Variants in MPP7 observed in about 807,000 individuals in gnomAD.
The protein encoded by MPP7 is MAGUK p55 scaffold protein 7.
Under a neutral mutation model 76.5 loss-of-function variants are expected in MPP7, and 60 were observed. The observed-to-expected ratio is 0.78, with a 90% CI of 0.64 to 0.97. MPP7 has a LOEUF of 0.97. MPP7 is among the 50% of genes least tolerant of loss of function. The pLI is 0.00. For missense variants in MPP7, 641 were observed against 694.0 expected (o/e 0.92, Z 0.86); for synonymous variants, 237 against 244.5 (o/e 0.97, Z 0.29).
intron 3 of MPP7, among the ~76,000 whole-genome samples, chr10:28,166,400 A>ATTTTTT (rs34887665): frequency 1.1e-5 from 1 of 93,420 alleles, no homozygotes. Context: ...TTACCTTTTA[A>ATTTTTT]TTTTTTTTTT....
chr10:28,273,277 C>A lies in MPP7; in HGVS notation c.-132+29584G>T, dbSNP rs915826521. Among the ~76,000 whole-genome samples the A allele has an allele frequency of 8.7e-4, 132 of 152,322 alleles. 1 individual carries two copies. Among genetic ancestry groups the A allele is most frequent in the East Asian group, 1.9e-4 (1 of 5,186 alleles). On this transcript the variant is annotated intron_variant, in intron 1 of 16. Transcript: ENST00000683449. ...CCAGTATTAACAGTTCAAAAGCAAT[C>A]TGGAATCATCTAAAAGAGACTACAA...
chr10:28,136,765 C>T (rs1170467171), intron 5 of MPP7, among the ~76,000 whole-genome samples: 1 of 152,040 alleles, frequency 6.6e-6, no homozygotes, highest in Non-Finnish European at 1.5e-5. Context: ...AAAAGTAATA[C>T]TGTAGAATAA....
intron 1 of MPP7, among the ~76,000 whole-genome samples, chr10:28,286,303 G>A (rs555156103): frequency 4.9e-4 from 75 of 151,856 alleles, no homozygotes; most frequent in Middle Eastern, 3.4e-3. Flanking sequence ...CCGAGATCAC[G>A]CCACTGTACT....
At chr10:28,073,465 A>C (rs922972144) in intron 12 of MPP7, among the ~76,000 whole-genome samples, 5 of 152,152 alleles carry the variant, frequency 3.3e-5, no homozygotes, top group African/African-American at 1.2e-4. Context: ...GGTCTCCCAA[A>C]AAAGATTAAA....
chr10:28,170,624 T>A (rs1006445469), intron 3 of MPP7, among the ~76,000 whole-genome samples: 1 of 150,522 alleles, frequency 6.6e-6, no homozygotes, highest in Admixed American at 6.6e-5. Context: ...TAATTATACA[T>A]GTATTATTAT....
chr10:28,328,127 C>G (rs1380632636), intron 2 of MPP7, among the ~76,000 whole-genome samples: 2 of 151,846 alleles, frequency 1.3e-5, no homozygotes, highest in East Asian at 3.9e-4. Flanking sequence ...TGGTACTTGG[C>G]TAATAAAAAA....
chr10:28,134,476 T>G (rs1835293193), intron 5 of MPP7, among the ~76,000 whole-genome samples: 1 of 152,232 alleles, frequency 6.6e-6, no homozygotes, highest in Non-Finnish European at 1.5e-5. Context: ...ACTCTCCTTC[T>G]TGGTTATTTT....
chr10:28,304,953 A>C (rs1271088670), upstream of MPP7, among the ~76,000 whole-genome samples: 2 of 119,570 alleles, frequency 1.7e-5, no homozygotes, highest in Non-Finnish European at 3.3e-5. Context: ...TGTTTTTATC[A>C]GAAGATGGAC....
chr10:28,187,718 T>C (rs4408232), intron 3 of MPP7, among the ~76,000 whole-genome samples: 21,493 of 152,208 alleles, frequency 0.14, 1,792 homozygotes, highest in East Asian at 0.37. Flanking sequence ...CACTAATATG[T>C]AAATATCTCC....
intron 11 of MPP7, among the ~76,000 whole-genome samples, chr10:28,098,718 T>C (rs1853680619): frequency 6.6e-6 from 1 of 152,054 alleles, no homozygotes; most frequent in Non-Finnish European, 1.5e-5. Flanking sequence ...TAATCATCTA[T>C]ATTTTTCAGT....
At chr10:28,153,247 C>T (rs1162738252) in intron 3 of MPP7, among the ~76,000 whole-genome samples, 1 of 151,970 alleles carries the variant, frequency 6.6e-6, no homozygotes, top group Non-Finnish European at 1.5e-5. Flanking sequence ...GAGCGAGACT[C>T]CATCTCAAAA....
In MPP7 at chr10:28,082,714, C is replaced by G. The variant is rs551085475; in HGVS notation, c.1123+6957G>C. ...GAACTCCTGGCCTCCAGCACTCTCC[C>G]TGCCTCAGCCTCCCTCAGCGCTGGG... On this transcript the variant is annotated intron_variant, in intron 12 of 16. Coordinates refer to ENST00000683449, the MANE Select transcript of MPP7 (RefSeq NM_001318170.2). Among the ~76,000 whole-genome samples, 21 of 152,294 alleles carry G rather than the reference C, an allele frequency of 1.4e-4. No homozygotes were observed. In the South Asian group the frequency reaches 4.1e-3, roughly 30 times the overall value.
chr10:28,163,624 T>C (rs1009483867), intron 3 of MPP7, among the ~76,000 whole-genome samples: 1 of 152,078 alleles, frequency 6.6e-6, no homozygotes, highest in Non-Finnish European at 1.5e-5. Flanking sequence ...TTTGACTGCC[T>C]GTAGTGGGAG....
At chr10:28,197,835 T>A (rs370980691) in intron 3 of MPP7, among the ~76,000 whole-genome samples, 56 of 152,218 alleles carry the variant, frequency 3.7e-4, no homozygotes, top group African/African-American at 1.2e-3. Flanking sequence ...TTTACCCTGA[T>A]GTGATTATTA....
At chr10:28,280,369 C>T (rs1329201582) in intron 1 of MPP7, among the ~76,000 whole-genome samples, 1 of 152,046 alleles carries the variant, frequency 6.6e-6, no homozygotes, top group East Asian at 1.9e-4. Context: ...AGATTACTTA[C>T]AATACCTAAT....
At chr10:28,152,976 G>A (rs557078424) in intron 3 of MPP7, among the ~76,000 whole-genome samples, 46 of 152,184 alleles carry the variant, frequency 3.0e-4, no homozygotes, top group Non-Finnish European at 4.4e-4. Context: ...ACTTCAGACC[G>A]AGTGTGGTGG....
intron 3 of MPP7, among the ~76,000 whole-genome samples, chr10:28,194,492 G>A (rs945024677): frequency 2.0e-5 from 3 of 152,178 alleles, no homozygotes; most frequent in African/African-American, 7.2e-5. Context: ...AAGGTTAATG[G>A]AGAAACAAAC....
At chr10:28,328,257 G>T (rs1352189401) in intron 2 of MPP7, among the ~76,000 whole-genome samples, 3 of 152,066 alleles carry the variant, frequency 2.0e-5, no homozygotes, top group African/African-American at 7.2e-5. Flanking sequence ...AAAAAGTATA[G>T]AATAACTGTT....
intron 5 of MPP7, among the ~76,000 whole-genome samples, chr10:28,141,695 T>A (rs1223517290): frequency 1.3e-5 from 2 of 152,084 alleles, no homozygotes; most frequent in Admixed American, 1.3e-4. Flanking sequence ...CAGGGTTATA[T>A]AAGGAACAAT....
Sources: allele counts gnomAD v4.1 joint callset (sites outside exome capture counted in the v4.1 genomes callset), GRCh38; gene constraint gnomAD v4.1.1; transcripts MANE v1.5; gene names NCBI Gene and HGNC (gene_info 2026-07-23, HGNC 2026-07-21).